The following PTPRR variants were observed in gnomAD, a reference collection of about 807,000 sequenced individuals.
PTPRR encodes the protein protein tyrosine phosphatase receptor type R, also known as receptor-type tyrosine-protein phosphatase R.
Under a neutral mutation model 77.2 loss-of-function variants are expected in PTPRR, and 38 were observed. The observed-to-expected ratio is 0.49, with a 90% confidence interval of 0.38 to 0.65. PTPRR has a LOEUF of 0.65. Ranked by LOEUF, PTPRR falls within the 30% of genes least tolerant of loss-of-function variation. The pLI is 0.00. For synonymous variants in PTPRR, 299 were observed against 283.1 expected, an observed-to-expected ratio of 1.06 and a Z score of -0.57; for missense variants, 744 against 799.2, an observed-to-expected ratio of 0.93 and a Z score of 0.83.
At chr12:70,717,419 A>G (rs892367571) in intron 6 of PTPRR, among the ~76,000 whole-genome samples, 9 of 152,170 alleles carry the variant, frequency 5.9e-5, no homozygotes, top group African/African-American at 2.2e-4. Flanking sequence ...TCTGAAAATG[A>G]TCATTTCTGA....
intron 1 of PTPRR, among the ~76,000 whole-genome samples, chr12:70,916,148 G>A (rs1012074665): frequency 6.6e-6 from 1 of 152,052 alleles, no homozygotes; most frequent in African/African-American, 2.4e-5. Context: ...TCTGGGTGAT[G>A]GGGGGAAGGG....
intron 2 of PTPRR, among the ~76,000 whole-genome samples, chr12:70,862,647 G>T (rs1393496399): frequency 6.6e-6 from 1 of 150,462 alleles, no homozygotes; most frequent in Non-Finnish European, 1.5e-5. Context: ...GCTAAATGAC[G>T]TGTTAATGGG....
At chr12:70,679,173 T>TAA (rs1887562717) in intron 10 of PTPRR, among the ~76,000 whole-genome samples, 1 of 152,240 alleles carries the variant, frequency 6.6e-6, no homozygotes, top group Admixed American at 6.5e-5. Flanking sequence ...ATGTCTTCAT[T>TAA]GATCCATTGG....
At chr12:70,727,224 T>G (rs574359156) in intron 6 of PTPRR, among the ~76,000 whole-genome samples, 1 of 95,888 alleles carries the variant, frequency 1.0e-5, no homozygotes, top group South Asian at 3.6e-4. Context: ...TAGTCCCGAT[T>G]TTTTTTTTTC....
At chr12:70,874,358 CAGAG>C (rs912494893) in intron 2 of PTPRR, among the ~76,000 whole-genome samples, 3 of 152,110 alleles carry the variant, frequency 2.0e-5, no homozygotes, top group Non-Finnish European at 2.9e-5. Flanking sequence ...CCAAGATATT[CAGAG>C]AGAGTCAGGA....
chr12:70,761,520 A>C lies in PTPRR; in HGVS notation c.578T>G (p.Val193Gly). The change falls in exon 4 of 14, where the codon GTT becomes GGT. Residue 193 changes from valine to glycine, a missense_variant. Transcript: ENST00000283228. ...AAACTGGGATAAACTTTGATGCAAA[A>C]CATTGATATTAAGTGAACGAAGAAC... ...EEVLRSLNINVLHQSLSQFGI... is the reference protein window; with the variant it reads ...EEVLRSLNINGLHQSLSQFGI... 1.9e-6 allele frequency: 3 copies of C among 1,611,696 alleles called. No homozygotes were observed. Among genetic ancestry groups the C allele is most frequent in the Non-Finnish European group, 2.5e-6 (3 of 1,179,044 alleles).
intron 1 of PTPRR, among the ~76,000 whole-genome samples, chr12:70,915,586 C>T (rs147085405): frequency 6.6e-6 from 1 of 152,338 alleles, no homozygotes; most frequent in Non-Finnish European, 1.5e-5. Context: ...TGTAGCCAAT[C>T]AGCAAAGAAT....
At chr12:70,793,272 T>G (rs1469950818) in intron 2 of PTPRR, among the ~76,000 whole-genome samples, 1 of 152,216 alleles carries the variant, frequency 6.6e-6, no homozygotes, top group African/African-American at 2.4e-5. Flanking sequence ...ATCAGAATCA[T>G]GCTCAGATCA....
chr12:70,870,346 C>T (rs1194202005), intron 2 of PTPRR, among the ~76,000 whole-genome samples: 1 of 152,228 alleles, frequency 6.6e-6, no homozygotes, highest in Admixed American at 6.5e-5. Context: ...AGTTATGAGA[C>T]AGTAGAATGA....
chr12:70,713,143 G>A (rs1210231305), intron 6 of PTPRR, among the ~76,000 whole-genome samples: 6 of 152,042 alleles, frequency 3.9e-5, no homozygotes, highest in Non-Finnish European at 7.4e-5. Flanking sequence ...ATCATACAAC[G>A]TATGGCCTCT....
At chr12:70,817,379 G>A (rs61219280) in intron 2 of PTPRR, among the ~76,000 whole-genome samples, 20,446 of 152,042 alleles carry the variant, frequency 0.13, 1,705 homozygotes, top group African/African-American at 0.23. Context: ...TTGTATCAAC[G>A]TTATTTTCCT....
intron 2 of PTPRR, among the ~76,000 whole-genome samples, chr12:70,873,755 C>T (rs952284466): frequency 5.3e-5 from 8 of 151,552 alleles, no homozygotes; most frequent in African/African-American, 1.7e-4. Flanking sequence ...TGAGAATATA[C>T]CAGGGACAAT....
At chr12:70,754,894 C>T in intron 4 of PTPRR, 2 of 570,020 alleles carry the variant, frequency 3.5e-6, no homozygotes, top group Non-Finnish European at 5.5e-6. Context: ...TAGAATATCA[C>T]ATATTTTTCT....
At chr12:70,723,372 G>A (rs1159261077) in intron 6 of PTPRR, among the ~76,000 whole-genome samples, 1 of 151,564 alleles carries the variant, frequency 6.6e-6, no homozygotes, top group African/African-American at 2.4e-5. Context: ...TATTTTGTAT[G>A]TAAACTTAAT....
intron 2 of PTPRR, among the ~76,000 whole-genome samples, chr12:70,789,886 G>A (rs1202240320): frequency 6.6e-6 from 1 of 152,040 alleles, no homozygotes; most frequent in Non-Finnish European, 1.5e-5. Flanking sequence ...TTCCCCATCT[G>A]CAAATTTATC....
At chr12:70,764,112 T>C (rs1890756938) in intron 3 of PTPRR, among the ~76,000 whole-genome samples, 1 of 151,778 alleles carries the variant, frequency 6.6e-6, no homozygotes, top group African/African-American at 2.4e-5. Flanking sequence ...GCTGCAGTCC[T>C]CAGGGTCAGT....
intron 10 of PTPRR, 117 bp from the exon 11 acceptor site, chr12:70,662,722 A>G (rs1886841857): frequency 3.5e-6 from 2 of 564,030 alleles, no homozygotes; most frequent in South Asian, 2.7e-5. Flanking sequence ...TCAAATATCA[A>G]TTTTTATAGT....
chr12:70,741,719 A>G (rs1890052095), intron 6 of PTPRR, among the ~76,000 whole-genome samples: 1 of 152,092 alleles, frequency 6.6e-6, no homozygotes, highest in Non-Finnish European at 1.5e-5. Context: ...AAGCCTAAGA[A>G]AACGCCCATG....
chr12:70,788,983 C>G lies in PTPRR; in HGVS notation c.358-24205G>C, dbSNP rs377587119. 4.2e-5 allele frequency: 42 copies of G among 1,004,466 alleles called. No individual in the cohort carries two copies. The South Asian group carries it at 7.5e-4, about 18-fold the overall frequency. The allele number at this position is 1,004,466 out of a possible 1,614,324, so 62.2% of individuals were successfully genotyped here. A position where few individuals can be genotyped will look rare whatever the true frequency, so the allele number is the denominator to read the frequency against. ...TGGAGGTAACCGCCTGGTACTGTTT[C>G]TAGAGACACTGCGGATCCCAGGTCT... is the stretch of plus-strand genomic sequence containing the variant. On this transcript the variant is annotated intron_variant, in intron 2 of 13. Coordinates refer to ENST00000283228, the MANE Select transcript of PTPRR (RefSeq NM_002849.4).
Sources: gnomAD v4.1 joint callset for allele counts (sites outside exome capture counted in the v4.1 genomes callset) on GRCh38, gnomAD v4.1.1 for gene constraint, MANE v1.5 for transcripts, NCBI Gene and HGNC (gene_info 2026-07-23, HGNC 2026-07-21) for gene names.